Variants in KCNH5 observed in about 807,000 individuals in gnomAD.
KCNH5 encodes voltage-gated delayed rectifier potassium channel KCNH5.
KCNH5 carries 46 observed loss-of-function variants against 96.1 expected under a neutral mutation model. The observed-to-expected ratio is 0.48, with a 90% CI of 0.38 to 0.61. KCNH5 has a LOEUF of 0.61. Among genes scored for constraint, KCNH5 ranks in the 20% least tolerant of loss-of-function variants. The pLI, the probability that KCNH5 is intolerant of heterozygous loss-of-function variation, is 0.00. For missense variants in KCNH5, 907 were observed against 1,225.8 expected (o/e 0.74, Z 3.88); for synonymous variants, 439 against 449.8 (o/e 0.98, Z 0.30).
At chr14:62,761,245 C>T (rs1885742298) in intron 10 of KCNH5, among the ~76,000 whole-genome samples, 1 of 151,902 alleles carries the variant, frequency 6.6e-6, no homozygotes, top group African/African-American at 2.4e-5. Context: ...ATCCCAGCTA[C>T]TCTGGAGGCT....
At chr14:62,791,743 T>C (rs1886439965) in intron 9 of KCNH5, among the ~76,000 whole-genome samples, 1 of 151,666 alleles carries the variant, frequency 6.6e-6, no homozygotes, top group African/African-American at 2.4e-5. Context: ...AATATATATG[T>C]ACCCAACATT....
chr14:63,015,513 G>T (rs1566541896), intron 2 of KCNH5, among the ~76,000 whole-genome samples: 1 of 151,924 alleles, frequency 6.6e-6, no homozygotes, highest in Non-Finnish European at 1.5e-5. Flanking sequence ...AGATATACAT[G>T]TTCCTCTGAT....
At position 62,834,099 on chromosome 14, in the gene KCNH5, C is replaced by T. The variant is rs142176517; in HGVS notation, c.1569+15554G>A. On this transcript the variant is annotated intron_variant, in intron 8 of 10. Transcript: ENST00000322893. ...ACTGCAAGGCAGTTTTTCATTTTCT[C>T]TCGTGGCTTTTATAAAATCAAACAA... Among the ~76,000 whole-genome samples, 349 of 152,082 alleles carry T rather than the reference C, an allele frequency of 2.3e-3. 2 individuals carry two copies. Among genetic ancestry groups the T allele is most frequent in the Non-Finnish European group, 3.7e-3 (251 of 67,864 alleles).
chr14:62,839,336 T>C (rs1367919541), intron 8 of KCNH5, among the ~76,000 whole-genome samples: 4 of 152,162 alleles, frequency 2.6e-5, no homozygotes, highest in Non-Finnish European at 4.4e-5. Context: ...TAACACTTAT[T>C]CATAATAAAT....
intron 10 of KCNH5, among the ~76,000 whole-genome samples, chr14:62,711,296 A>G (rs1203300933): frequency 2.0e-5 from 3 of 151,610 alleles, no homozygotes; most frequent in Admixed American, 2.0e-4. Context: ...CAAAGACTCC[A>G]AATACCAAAA....
chr14:62,794,090 T>A lies in KCNH5; in HGVS notation c.1822+8239A>T, dbSNP rs1443781547. ...CAGTTCTCCTCAGTCCTAAACACCT[T>A]CCTCATGGTAAACCAGTCACTTGGA... On this transcript the variant is annotated intron_variant, in intron 9 of 10. Transcript: ENST00000322893. Among the ~76,000 whole-genome samples, 3 of 151,846 alleles carry A rather than the reference T, an allele frequency of 2.0e-5. No individual in the cohort carries two copies. The East Asian group carries it at 5.8e-4, about 29-fold the overall frequency.
At chr14:62,915,539 T>C (rs536050331) in intron 7 of KCNH5, among the ~76,000 whole-genome samples, 2 of 152,362 alleles carry the variant, frequency 1.3e-5, no homozygotes, top group South Asian at 4.1e-4. Flanking sequence ...ATTATTTATC[T>C]TCTGCACTCC....
intron 6 of KCNH5, among the ~76,000 whole-genome samples, chr14:62,968,726 T>G (rs1890350798): frequency 6.6e-6 from 1 of 152,148 alleles, no homozygotes; most frequent in African/African-American, 2.4e-5. Context: ...ATAGAAATAT[T>G]TGTAGGCTGG....
At chr14:63,037,957 A>G (rs1891752901) in intron 1 of KCNH5, among the ~76,000 whole-genome samples, 1 of 152,226 alleles carries the variant, frequency 6.6e-6, no homozygotes, top group Non-Finnish European at 1.5e-5. Flanking sequence ...CCAGCTTTCA[A>G]GCTCTTGACA....
Position 62,706,508 on chromosome 14 carries a change from T to C in KCNH5, c.*1000A>G, listed in dbSNP as rs1350539468. Reference sequence around the variant, plus strand: ...CATGCCACAAAAATTTATCTATCTGTTTACATTCTTTTTTATTTTATACCA... The same window carrying C: ...CATGCCACAAAAATTTATCTATCTGCTTACATTCTTTTTTATTTTATACCA... On this transcript the variant is annotated 3_prime_UTR_variant, in exon 11 of 11. Coordinates refer to ENST00000322893, the MANE Select transcript of KCNH5 (RefSeq NM_139318.5). 1 of 152,216 alleles carries C rather than the reference T, an allele frequency of 6.6e-6. No homozygotes were observed. Among genetic ancestry groups the C allele is most frequent in the Non-Finnish European group, 1.5e-5 (1 of 67,996 alleles). The allele number at this position is 152,216 out of a possible 1,614,324, so 9.4% of individuals were successfully genotyped here. A position where few individuals can be genotyped will look rare whatever the true frequency, so the allele number is the denominator to read the frequency against.
intron 9 of KCNH5, among the ~76,000 whole-genome samples, chr14:62,782,577 A>G (rs1886240964): frequency 6.6e-6 from 1 of 152,136 alleles, no homozygotes; most frequent in African/African-American, 2.4e-5. Context: ...AAGGGAGGCC[A>G]AGGCAGGCGG....
chr14:62,951,090 T>C (rs1021381649), intron 6 of KCNH5, among the ~76,000 whole-genome samples: 3 of 152,144 alleles, frequency 2.0e-5, no homozygotes, highest in Admixed American at 2.0e-4. Flanking sequence ...ACAAATACCA[T>C]TGTTGGCCCC....
chr14:62,960,057 C>T (rs1890177816), intron 6 of KCNH5, among the ~76,000 whole-genome samples: 1 of 152,184 alleles, frequency 6.6e-6, no homozygotes, highest in South Asian at 2.1e-4. Flanking sequence ...GCTCCGTTCT[C>T]TTCTGCTCAC....
intron 7 of KCNH5, among the ~76,000 whole-genome samples, chr14:62,943,404 A>C (rs1391283499): frequency 6.6e-6 from 1 of 152,182 alleles, no homozygotes; most frequent in Admixed American, 6.6e-5. Flanking sequence ...TGCCTTCTGA[A>C]TAGCAGCAAA....
chr14:62,762,955 C>A (rs1277912582), intron 10 of KCNH5, among the ~76,000 whole-genome samples: 4 of 152,126 alleles, frequency 2.6e-5, no homozygotes, highest in African/African-American at 9.7e-5. Context: ...GAGACTTCAA[C>A]ACCCCACTGA....
At chr14:62,744,351 G>A (rs1885332429) in intron 10 of KCNH5, among the ~76,000 whole-genome samples, 1 of 152,098 alleles carries the variant, frequency 6.6e-6, no homozygotes, top group African/African-American at 2.4e-5. Flanking sequence ...GTAAGATACT[G>A]CATTTTAAAC....
intron 8 of KCNH5, among the ~76,000 whole-genome samples, chr14:62,813,780 A>G (rs1392259651): frequency 2.0e-5 from 3 of 152,162 alleles, no homozygotes; most frequent in Admixed American, 1.3e-4. Flanking sequence ...CACATAAAAT[A>G]TTTTTACAAT....
chr14:62,792,157 A>G (rs1041621864), intron 9 of KCNH5, among the ~76,000 whole-genome samples: 2 of 151,644 alleles, frequency 1.3e-5, no homozygotes, highest in Non-Finnish European at 3.0e-5. Context: ...TAGTTTTATT[A>G]GAATAAAATC....
intron 1 of KCNH5, among the ~76,000 whole-genome samples, chr14:63,037,257 G>A (rs1956675): frequency 0.25 from 37,501 of 151,958 alleles, 5,481 homozygotes; most frequent in East Asian, 0.43. Flanking sequence ...GCTAGTAAGT[G>A]TCAGAGCCAG....
Sources: allele counts gnomAD v4.1 joint callset (sites outside exome capture counted in the v4.1 genomes callset), GRCh38; gene constraint gnomAD v4.1.1; transcripts MANE v1.5; gene names NCBI Gene and HGNC (gene_info 2026-07-23, HGNC 2026-07-21).